EPB41L3: variants seen among roughly 807,000 people sequenced by gnomAD.
The protein encoded by EPB41L3 is band 4.1-like protein 3.
Under a neutral mutation model 127.1 loss-of-function variants are expected in EPB41L3, and 57 were observed. The ratio of observed to expected loss-of-function variants is 0.45; its 90% CI spans 0.36 to 0.56. The LOEUF (loss-of-function observed/expected upper bound fraction) is 0.56, where lower values mean the gene tolerates loss of function less well. EPB41L3 is among the 20% of genes least tolerant of loss of function. The pLI is 0.00. For synonymous variants in EPB41L3, 572 were observed against 549.5 expected (o/e 1.04, Z -0.57); for missense variants, 1,273 against 1,372.2 (o/e 0.93, Z 1.14).
intron 1 of EPB41L3, among the ~76,000 whole-genome samples, chr18:5,530,861 G>A (rs2093389420): frequency 6.6e-6 from 1 of 152,184 alleles, no homozygotes; most frequent in Non-Finnish European, 1.5e-5. Context: ...TCTGTGCTCA[G>A]GGTGACAGGA....
intron 3 of EPB41L3, among the ~76,000 whole-genome samples, chr18:5,595,742 C>A (rs1045106802): frequency 1.3e-5 from 2 of 152,130 alleles, no homozygotes; most frequent in African/African-American, 4.8e-5. Flanking sequence ...CTGACCGATT[C>A]TCCATTTCAG....
At chr18:5,399,451 C>T (rs1275937240) in intron 16 of EPB41L3, 7 of 397,740 alleles carry the variant, frequency 1.8e-5, no homozygotes, top group Non-Finnish European at 2.7e-5. Context: ...AATAAGAATC[C>T]TTTAAGAAAA....
chr18:5,483,059 C>T (rs1488505788), intron 2 of EPB41L3, among the ~76,000 whole-genome samples: 1 of 152,160 alleles, frequency 6.6e-6, no homozygotes, highest in Non-Finnish European at 1.5e-5. Flanking sequence ...AAAAGACAAC[C>T]TATCAAAAAC....
At chr18:5,499,810 A>G (rs2091560885) in intron 1 of EPB41L3, among the ~76,000 whole-genome samples, 2 of 125,210 alleles carry the variant, frequency 1.6e-5, no homozygotes, top group African/African-American at 3.2e-5. Flanking sequence ...ATTCCCTACT[A>G]CATACTTACT....
intron 14 of EPB41L3, among the ~76,000 whole-genome samples, chr18:5,408,490 G>A (rs1318089041): frequency 6.6e-6 from 1 of 151,602 alleles, no homozygotes; most frequent in Non-Finnish European, 1.5e-5. Flanking sequence ...CACCAGGCTA[G>A]TCTTGAACTC....
At chr18:5,485,708 G>A (rs761933426) in intron 2 of EPB41L3, among the ~76,000 whole-genome samples, 16 of 151,934 alleles carry the variant, frequency 1.1e-4, no homozygotes, top group Non-Finnish European at 1.8e-4. Context: ...TAAACTATCT[G>A]AAAAAGATAT....
At chr18:5,437,167 A>C (rs1473646441) in intron 6 of EPB41L3, among the ~76,000 whole-genome samples, 1 of 152,124 alleles carries the variant, frequency 6.6e-6, no homozygotes, top group East Asian at 1.9e-4. Flanking sequence ...TTCGAATCCT[A>C]CCCTCAAGGT....
chr18:5,444,534 C>T (rs7230691), intron 4 of EPB41L3, among the ~76,000 whole-genome samples: 109,986 of 152,058 alleles, frequency 0.72, 39,902 homozygotes, highest in East Asian at 0.83. Context: ...CAGGTAGTTG[C>T]GTGGATTAAG....
At chr18:5,463,272 A>C (rs1046333467) in intron 3 of EPB41L3, among the ~76,000 whole-genome samples, 1 of 152,156 alleles carries the variant, frequency 6.6e-6, no homozygotes, top group Non-Finnish European at 1.5e-5. Context: ...TAACTCCCCT[A>C]CATAAAGCTC....
rs745854933 is a variant in EPB41L3, at chr18:5,416,002, C to T, written c.1883G>A (p.Arg628His). Residue 628 changes from arginine to histidine, a missense_variant, in exon 13 of 23, where the codon CGC (arginine) becomes CAC (histidine). Arg to His is a conservative substitution (Grantham distance 29, BLOSUM62 0). This residue lies in a region of EPB41L3 where 765 missense variants were observed against 782.9 expected (regional missense o/e 0.98). Coordinates refer to ENST00000341928, the MANE Select transcript of EPB41L3 (RefSeq NM_012307.5). ...PQSLQHYLPI[R>H]SPSLVPCFLF... ...GAAACAGGGCACAAGGGACGGTGAG[C>T]GGATCGGGAGGTAATGCTGCAAGCT... The T allele has an allele frequency of 2.2e-5, 35 of 1,613,802 alleles. No homozygotes were observed. The highest frequency in any genetic ancestry group is 9.9e-5 in the South Asian group (9 of 91,072).
intron 13 of EPB41L3, among the ~76,000 whole-genome samples, chr18:5,415,601 G>A (rs189524336): frequency 5.9e-5 from 9 of 152,310 alleles, no homozygotes; most frequent in Non-Finnish European, 1.2e-4. Context: ...GTAGCAGAAC[G>A]ATTCCGGGTT....
At chr18:5,479,563 T>TATCTTG (rs1488185474) in intron 2 of EPB41L3, 1 of 152,248 alleles carries the variant, frequency 6.6e-6, no homozygotes, top group African/African-American at 2.4e-5. Flanking sequence ...CTTCATTTTC[T>TATCTTG]ATCTTGTTTT....
chr18:5,551,240 T>C (rs2093959167), intron 3 of EPB41L3, among the ~76,000 whole-genome samples: 1 of 152,210 alleles, frequency 6.6e-6, no homozygotes, highest in South Asian at 2.1e-4. Context: ...AATGCCATTA[T>C]AGCTTGATGA....
chr18:5,535,866 G>A (rs956572978), intron 1 of EPB41L3, among the ~76,000 whole-genome samples: 1 of 152,174 alleles, frequency 6.6e-6, no homozygotes, highest in Admixed American at 6.5e-5. Context: ...CTGTTGTTGA[G>A]GACGAAGGAA....
upstream of EPB41L3, chr18:5,544,118 G>T (rs575821398): frequency 1.0e-6 from 1 of 985,394 alleles, no homozygotes; most frequent in Non-Finnish European, 1.2e-6. Flanking sequence ...GACCGTGCGA[G>T]GAAAGCCAAC....
upstream of EPB41L3, among the ~76,000 whole-genome samples, chr18:5,547,381 T>C (rs2093898298): frequency 6.6e-6 from 1 of 152,210 alleles, no homozygotes; most frequent in African/African-American, 2.4e-5. Flanking sequence ...CAATTTGGCA[T>C]GAGAACTCAG....
rs1162409930 is a variant in EPB41L3 at position 5,415,849 on chromosome 18, T to C, written c.2036A>G (p.Asp679Gly). The C allele has an allele frequency of 6.2e-7, 1 of 1,613,144 alleles. No homozygotes were observed. The highest frequency in any genetic ancestry group is 1.7e-5 in the Admixed American group (1 of 60,002). The change falls in exon 13 of 23, where the codon GAC becomes GGC. Residue 679 changes from aspartate (D) to glycine (G), a missense_variant. Transcript: ENST00000341928. ...PKAASLSASL[D>G]NDPSDSSEEE... ...CTCTGAACTGTCACTCGGGTCATTG[T>C]CTAGGGAGGCGCTCAAGGAGGCCGC...
At chr18:5,470,236 A>C (rs2085866060) in intron 3 of EPB41L3, among the ~76,000 whole-genome samples, 1 of 152,150 alleles carries the variant, frequency 6.6e-6, no homozygotes, top group African/African-American at 2.4e-5. Flanking sequence ...GTCATTCCCA[A>C]TGTCCCTTCC....
At chr18:5,616,164 C>A (rs1158652814) in intron 1 of EPB41L3, among the ~76,000 whole-genome samples, 1 of 152,114 alleles carries the variant, frequency 6.6e-6, no homozygotes, top group Non-Finnish European at 1.5e-5. Flanking sequence ...CAGCTGTTAC[C>A]CCGGCTCCTG....
Sources: allele counts gnomAD v4.1 joint callset (sites outside exome capture counted in the v4.1 genomes callset), GRCh38; gene constraint gnomAD v4.1.1; regional missense constraint gnomAD v4.1.1; transcripts MANE v1.5; gene names NCBI Gene and HGNC (gene_info 2026-07-23, HGNC 2026-07-21).